FARP2: variants seen among roughly 807,000 people sequenced by gnomAD.
The protein encoded by FARP2 is FERM, ARHGEF and pleckstrin domain-containing protein 2.
A neutral mutation model predicts 130.5 loss-of-function variants in FARP2; 111 were observed. That is an observed-to-expected ratio of 0.85 (90% CI 0.73 to 1.00). The LOEUF is 1.00. Among genes scored for constraint, FARP2 ranks in the 50% least tolerant of loss-of-function variants. The pLI, the probability that FARP2 is intolerant of heterozygous loss-of-function variation, is 0.00. For missense variants in FARP2, 1,385 were observed against 1,346.3 expected, an observed-to-expected ratio of 1.03 and a Z score of -0.45; for synonymous variants, 504 against 516.9, an observed-to-expected ratio of 0.98 and a Z score of 0.34.
intron 8 of FARP2, among the ~76,000 whole-genome samples, chr2:241,428,705 A>T (rs1046935440): frequency 6.6e-6 from 1 of 151,824 alleles, no homozygotes; most frequent in Non-Finnish European, 1.5e-5. Context: ...TTGTTTTAGG[A>T]TACTTACACA....
Position 241,407,586 on chromosome 2 carries a change from T to A in FARP2, c.381T>A (p.Asp127Glu). Residue 127 changes from aspartate to glutamate, a missense_variant, in exon 5 of 27, where the codon GAT becomes GAA. Physicochemically the swap from Asp to Glu is conservative, Grantham distance 45. Coordinates refer to ENST00000264042, the MANE Select transcript of FARP2 (RefSeq NM_014808.4). ...TAGCTGTAAAATTTTTTCCACCTGA[T>A]CCTGGTCAGCTACAAGAAGAATATA... Reference protein sequence around the residue: ...LRLAVKFFPPDPGQLQEEYTR... With the variant: ...LRLAVKFFPPEPGQLQEEYTR... 1 of 1,614,110 alleles carries A rather than the reference T, an allele frequency of 6.2e-7. No individual in the cohort carries two copies. The highest frequency in any genetic ancestry group is 8.5e-7 in the Non-Finnish European group (1 of 1,179,958).
At chr2:241,449,289 G>T (rs425324) in intron 13 of FARP2, among the ~76,000 whole-genome samples, 5 of 151,570 alleles carry the variant, frequency 3.3e-5, no homozygotes, top group Admixed American at 3.3e-4. Context: ...AGCGAGACCC[G>T]GTTCTCCAGA....
chr2:241,405,984 T>G (rs935367500), intron 4 of FARP2, among the ~76,000 whole-genome samples: 1 of 151,756 alleles, frequency 6.6e-6, no homozygotes, highest in Non-Finnish European at 1.5e-5. Flanking sequence ...AAAAAAACTT[T>G]TTCATTTATC....
rs1180182087 is a variant in FARP2 at position 241,468,389 on chromosome 2, TGCGGCCCTGCATCTCAAGGATCA to T, written c.2131+16_2131+38del. ...CGCTGACTGCCATGGTGAGTGTGGG[TGCGGCCCTGCATCTCAAGGATCA>T]GCGTGCGTGGCTGGGAGGCAGGGGC... On this transcript the variant is annotated intron_variant, in intron 18 of 26. Coordinates refer to ENST00000264042, the MANE Select transcript of FARP2 (RefSeq NM_014808.4). 6.3e-7 allele frequency: 1 copy of T among 1,594,866 alleles called. No individual in the cohort carries two copies. The highest frequency in any genetic ancestry group is 2.2e-5 in the East Asian group (1 of 44,778).
chr2:241,402,834 A>ATT (rs762069441), intron 2 of FARP2, among the ~76,000 whole-genome samples: 847 of 17,410 alleles, frequency 0.049, 128 homozygotes, highest in Middle Eastern at 0.091. Context: ...CACCCAGCTA[A>ATT]TTTATATATA....
intron 21 of FARP2, among the ~76,000 whole-genome samples, chr2:241,484,869 C>T (rs2064712929): frequency 6.6e-6 from 1 of 152,172 alleles, no homozygotes; most frequent in African/African-American, 2.4e-5. Flanking sequence ...GCTATGTCCA[C>T]TTGCCCTGAG....
chr2:241,467,239 G>C (rs73006381), intron 17 of FARP2, among the ~76,000 whole-genome samples: 17,270 of 152,266 alleles, frequency 0.11, 1,240 homozygotes, highest in Non-Finnish European at 0.15. Flanking sequence ...CTAGGTGACA[G>C]AGTGAGACCT....
chr2:241,380,255 C>T (rs766779108), intron 2 of FARP2, among the ~76,000 whole-genome samples: 1 of 152,182 alleles, frequency 6.6e-6, no homozygotes. Context: ...CACCTGGACT[C>T]GCACACCATT....
intron 19 of FARP2, 31 bp from the exon 20 acceptor site, chr2:241,483,434 G>A (rs374233375): frequency 2.7e-5 from 43 of 1,603,106 alleles, no homozygotes; most frequent in South Asian, 7.7e-5. Flanking sequence ...CCCTCAGCCC[G>A]CTGAAAGGGG....
chr2:241,376,773 G>A (rs980201861), intron 2 of FARP2, among the ~76,000 whole-genome samples: 5 of 152,308 alleles, frequency 3.3e-5, no homozygotes, highest in South Asian at 2.1e-4. Flanking sequence ...GCAGACATTC[G>A]GCTACAGGGT....
At chr2:241,490,606 C>T (rs923391360) in intron 22 of FARP2, among the ~76,000 whole-genome samples, 1 of 152,140 alleles carries the variant, frequency 6.6e-6, no homozygotes, top group Non-Finnish European at 1.5e-5. Flanking sequence ...TGCAGGGGCC[C>T]CTGCATGGTC....
In FARP2 at chr2:241,419,544, A is replaced by T. The variant is rs80023609; in HGVS notation, c.771+1435A>T. On this transcript the variant is annotated intron_variant, in intron 8 of 26. Transcript: ENST00000264042. ...TTGAAGGAATTTTTTAAACATTTAAATCCGTAAGAACAAAGAATGGGAAAA... is the reference window on the plus strand; with the variant it reads ...TTGAAGGAATTTTTTAAACATTTAATTCCGTAAGAACAAAGAATGGGAAAA... Among the ~76,000 whole-genome samples the T allele has an allele frequency of 3.3e-3, 507 of 152,330 alleles. 7 individuals carry two copies. Among genetic ancestry groups the T allele is most frequent in the Non-Finnish European group, 4.4e-3 (297 of 68,018 alleles).
chr2:241,451,524 T>TG (rs2063657013), intron 13 of FARP2, among the ~76,000 whole-genome samples: 1 of 152,182 alleles, frequency 6.6e-6, no homozygotes, highest in African/African-American at 2.4e-5. Context: ...CTCATCTTTG[T>TG]GTGTGGTCGG....
chr2:241,400,037 A>G (rs1429695519), intron 2 of FARP2, among the ~76,000 whole-genome samples: 2 of 152,194 alleles, frequency 1.3e-5, no homozygotes, highest in South Asian at 2.1e-4. Flanking sequence ...GGTGTTGGAC[A>G]TTGCTGGTTA....
chr2:241,392,088 A>G (rs931471850), intron 2 of FARP2, among the ~76,000 whole-genome samples: 1 of 152,210 alleles, frequency 6.6e-6, no homozygotes, highest in African/African-American at 2.4e-5. Context: ...GTGCAGACCC[A>G]TTGGCATTGG....
intron 7 of FARP2, among the ~76,000 whole-genome samples, chr2:241,416,697 A>G (rs533698717): frequency 1.3e-5 from 2 of 151,974 alleles, no homozygotes; most frequent in East Asian, 3.9e-4. Context: ...GAGGCCAACA[A>G]GTTTGAGTCC....
At chr2:241,450,364 A>G (rs1033046547) in intron 13 of FARP2, among the ~76,000 whole-genome samples, 2 of 151,918 alleles carry the variant, frequency 1.3e-5, no homozygotes, top group Non-Finnish European at 2.9e-5. Flanking sequence ...CCCTGTCTCA[A>G]CCAAAAAAAC....
intron 8 of FARP2, among the ~76,000 whole-genome samples, chr2:241,430,499 T>G (rs143054279): frequency 6.6e-6 from 1 of 152,154 alleles, no homozygotes; most frequent in Non-Finnish European, 1.5e-5. Context: ...CCTCTATATC[T>G]GTGTCTGTAT....
In FARP2 at chr2:241,482,594, T is replaced by C. The variant is rs924546350; in HGVS notation, c.2263-871T>C. On this transcript the variant is annotated intron_variant, in intron 19 of 26. Coordinates refer to ENST00000264042, the MANE Select transcript of FARP2 (RefSeq NM_014808.4). This position sits in a 1 kb window ranked among gnomAD's most constrained non-coding sequence, Gnocchi z 4.6. ...TGCATCCATATGACCACCTTCTTCA[T>C]TGTGTGGGGTGGACGTTTCTGTTTG... Among the ~76,000 whole-genome samples, 12 of 152,154 alleles carry C rather than the reference T, an allele frequency of 7.9e-5. No homozygotes were observed. The highest frequency in any genetic ancestry group is 2.4e-4 in the African/African-American group (10 of 41,444).
Sources: allele counts gnomAD v4.1 joint callset (sites outside exome capture counted in the v4.1 genomes callset), GRCh38; gene constraint gnomAD v4.1.1; non-coding constraint Gnocchi (gnomAD v3.1); transcripts MANE v1.5; gene names NCBI Gene and HGNC (gene_info 2026-07-23, HGNC 2026-07-21).